Variants in PTPRA observed in about 807,000 individuals in gnomAD.
The protein encoded by PTPRA is protein tyrosine phosphatase receptor type A, also known as receptor-type tyrosine-protein phosphatase alpha.
A neutral mutation model predicts 104.8 loss-of-function variants in PTPRA; 25 were observed. The ratio of observed to expected loss-of-function variants is 0.24; its 90% CI spans 0.17 to 0.33. The LOEUF (loss-of-function observed/expected upper bound fraction) is 0.33. Among genes scored for constraint, PTPRA ranks in the 10% least tolerant of loss-of-function variants. PTPRA has a pLI of 1.00. For synonymous variants in PTPRA, 323 were observed against 368.9 expected, an observed-to-expected ratio of 0.88 and a Z score of 1.43; for missense variants, 765 against 1,015.3, an observed-to-expected ratio of 0.75 and a Z score of 3.35.
chr20:2,994,304 T>C (rs2063312508), intron 9 of PTPRA, among the ~76,000 whole-genome samples: 1 of 152,122 alleles, frequency 6.6e-6, no homozygotes, highest in African/African-American at 2.4e-5. Context: ...GCCTACGAGT[T>C]GGATGAGGGG....
intron 1 of PTPRA, among the ~76,000 whole-genome samples, chr20:2,901,159 C>T (rs1294340243): frequency 6.6e-6 from 1 of 152,014 alleles, no homozygotes; most frequent in Non-Finnish European, 1.5e-5. Context: ...TTGGTAGAGA[C>T]AGGGTTTCAC....
chr20:2,964,890 A>G lies in PTPRA; in HGVS notation c.103A>G (p.Ile35Val). The change falls in exon 5 of 24, where the codon ATT becomes GTT. Residue 35 changes from isoleucine to valine, a missense_variant. Around this residue, in one of 4 missense-constraint regions of PTPRA, gnomAD observed 256 missense variants for 248.9 expected, o/e 1.03. Transcript: ENST00000399903. ...ACCTTCTGTAGGAATTACAAGATTA[A>G]TTAACTCATCAACGGCAGAACCAGT... is the stretch of plus-strand genomic sequence containing the variant. Reference protein sequence around the residue: ...VAPSVGITRLINSSTAEPVKE... With the variant: ...VAPSVGITRLVNSSTAEPVKE... The G allele has an allele frequency of 6.2e-7, 1 of 1,613,858 alleles. No homozygotes were observed. The highest frequency in any genetic ancestry group is 8.5e-7 in the Non-Finnish European group (1 of 1,179,816).
At chr20:3,012,078 A>G (rs1242387335) in intron 11 of PTPRA, among the ~76,000 whole-genome samples, 1 of 152,198 alleles carries the variant, frequency 6.6e-6, no homozygotes, top group Non-Finnish European at 1.5e-5. Context: ...TGTAGCTGTA[A>G]GATAGTCAAG....
chr20:2,926,281 T>C (rs1222427500), intron 2 of PTPRA, among the ~76,000 whole-genome samples: 1 of 152,162 alleles, frequency 6.6e-6, no homozygotes, highest in African/African-American at 2.4e-5. Context: ...AGAAATTTAT[T>C]GTCTCAGAGT....
At chr20:2,875,814 C>G (rs1053082792) in intron 1 of PTPRA, among the ~76,000 whole-genome samples, 4 of 152,144 alleles carry the variant, frequency 2.6e-5, no homozygotes, top group African/African-American at 9.7e-5. Context: ...TGCAGAGCCT[C>G]TGCCAGGCTG....
intron 1 of PTPRA, among the ~76,000 whole-genome samples, chr20:2,889,228 A>C (rs529045060): frequency 4.4e-4 from 67 of 152,322 alleles, no homozygotes; most frequent in Non-Finnish European, 8.7e-4. Context: ...AAGCATAGGC[A>C]TTTTGTATAG....
Position 2,884,732 on chromosome 20 carries a change from G to A in PTPRA, c.-129+10972G>A, listed in dbSNP as rs1445680559. On this transcript the variant is annotated intron_variant, in intron 1 of 23. Transcript: ENST00000399903. ...GTGGGTTGTGTGTTCAGCTGTTTGC[G>A]TGGACATATCCTTTTGGGTAGATCT... is the stretch of plus-strand genomic sequence containing the variant. 5.9e-5 allele frequency among the ~76,000 whole-genome samples: 9 copies of A among 151,766 alleles called. No individual in the cohort carries two copies. In the South Asian group the frequency reaches 8.3e-4, roughly 14 times the overall value.
chr20:2,908,744 A>G (rs751892705), intron 1 of PTPRA, among the ~76,000 whole-genome samples: 11 of 152,154 alleles, frequency 7.2e-5, no homozygotes, highest in Non-Finnish European at 1.2e-4. Context: ...AAAAAAATAC[A>G]AAATTAAAAA....
At chr20:2,910,011 CAT>C (rs200690952) in intron 1 of PTPRA, among the ~76,000 whole-genome samples, 4 of 100,100 alleles carry the variant, frequency 4.0e-5, no homozygotes, top group Non-Finnish European at 7.0e-5. Flanking sequence ...TATCATATAT[CAT>C]ATATAATCTA....
intron 5 of PTPRA, among the ~76,000 whole-genome samples, chr20:2,965,756 T>C (rs531504414): frequency 1.2e-4 from 19 of 152,312 alleles, no homozygotes; most frequent in African/African-American, 4.6e-4. Flanking sequence ...GGCATCAGGC[T>C]CTGGGAAATG....
chr20:3,012,663 T>A (rs975718605), intron 11 of PTPRA, among the ~76,000 whole-genome samples: 7 of 152,218 alleles, frequency 4.6e-5, no homozygotes, highest in African/African-American at 1.4e-4. Context: ...AGATTAGAGA[T>A]CAGTGGGAAA....
Position 2,937,019 on chromosome 20 carries a change from A to G in PTPRA, c.-49-10963A>G, listed in dbSNP as rs2060728565. On this transcript the variant is annotated intron_variant, in intron 2 of 23. Transcript: ENST00000399903. ...TTGTGTGATTGCTCTAGGAATATAT[A>G]TGTAGATAACTTATTACAGTCTATT... is the stretch of plus-strand genomic sequence containing the variant. 2.6e-5 allele frequency among the ~76,000 whole-genome samples: 4 copies of G among 152,148 alleles called. No individual in the cohort carries two copies. The South Asian group carries it at 8.3e-4, about 32-fold the overall frequency.
chr20:2,865,817 T>A, the PTPRA span: 1 of 467,062 alleles, frequency 2.1e-6, no homozygotes, highest in Admixed American at 3.7e-5. The surrounding 1 kb of genome is among the most constrained non-coding windows in gnomAD (Gnocchi z 5.2). Context: ...AGGGTGCATA[T>A]GGGAGGCAGT....
intron 9 of PTPRA, among the ~76,000 whole-genome samples, chr20:2,992,115 C>T (rs2063200968): frequency 6.6e-6 from 1 of 152,202 alleles, no homozygotes; most frequent in Non-Finnish European, 1.5e-5. Flanking sequence ...TCAGAAGTAT[C>T]TATTGCGGCA....
Position 3,037,371 on chromosome 20 carries a change from C to T in PTPRA, c.2334+82C>T. 2 of 1,568,670 alleles carry T rather than the reference C, an allele frequency of 1.3e-6. No individual in the cohort carries two copies. The highest frequency in any genetic ancestry group is 1.7e-6 in the Non-Finnish European group (2 of 1,159,090). On this transcript the variant is annotated intron_variant, in intron 23 of 23. Transcript: ENST00000399903. This position sits in a 1 kb window ranked among gnomAD's most constrained non-coding sequence, Gnocchi z 4.3. ...GGAGGAGGCTCTTCAGAGGGGCCCACCCAGTAGTCAGAAGACTGTCTAAAC... is the reference window on the plus strand; with the variant it reads ...GGAGGAGGCTCTTCAGAGGGGCCCATCCAGTAGTCAGAAGACTGTCTAAAC...
chr20:2,925,203 C>A (rs2060250672), intron 2 of PTPRA, among the ~76,000 whole-genome samples: 1 of 152,254 alleles, frequency 6.6e-6, no homozygotes, highest in Non-Finnish European at 1.5e-5. Flanking sequence ...TTCCTCCTCC[C>A]CCAGCTGCTG....
intron 6 of PTPRA, among the ~76,000 whole-genome samples, chr20:2,980,281 A>G (rs527796384): frequency 5.3e-5 from 8 of 151,840 alleles, no homozygotes; most frequent in Non-Finnish European, 8.8e-5. Flanking sequence ...AAAAATATCA[A>G]TGTAGGCTGG....
chr20:2,962,378 G>T (rs939742282), intron 3 of PTPRA, among the ~76,000 whole-genome samples: 1 of 152,076 alleles, frequency 6.6e-6, no homozygotes, highest in Non-Finnish European at 1.5e-5. Flanking sequence ...CTTTTAAAAT[G>T]TGTTTTCAAG....
intron 1 of PTPRA, among the ~76,000 whole-genome samples, chr20:2,913,024 G>A (rs1257853663): frequency 2.0e-5 from 3 of 151,856 alleles, no homozygotes; most frequent in Admixed American, 2.0e-4. Flanking sequence ...GAGTCTTTTC[G>A]CTCCCTGAAC....
Sources: allele counts gnomAD v4.1 joint callset (sites outside exome capture counted in the v4.1 genomes callset), GRCh38; gene constraint gnomAD v4.1.1; regional missense constraint gnomAD v4.1.1; non-coding constraint Gnocchi (gnomAD v3.1); transcripts MANE v1.5; gene names NCBI Gene and HGNC (gene_info 2026-07-23, HGNC 2026-07-21).